ALG12: variants seen among roughly 807,000 people sequenced by gnomAD.
The protein encoded by ALG12 is ALG12 alpha-1,6-mannosyltransferase, also known as dol-P-Man:Man(7)GlcNAc(2)-PP-Dol alpha-1,6-mannosyltransferase.
In ALG12, 36 loss-of-function variants were observed where a neutral mutation model predicts 46.0. The ratio of observed to expected loss-of-function variants is 0.78; its 90% CI spans 0.60 to 1.03. ALG12 has a LOEUF of 1.03. Among genes scored for constraint, ALG12 ranks in the 50% least tolerant of loss-of-function variants. The pLI is 0.00. For synonymous variants in ALG12, 326 were observed against 291.6 expected (o/e 1.12, Z -1.20); for missense variants, 599 against 633.5 (o/e 0.95, Z 0.58).
At chr22:49,899,753 C>G (rs919305218), downstream of ALG12, among the ~76,000 whole-genome samples, 1 of 152,036 alleles carries the variant, frequency 6.6e-6, no homozygotes, top group African/African-American at 2.4e-5. Flanking sequence ...TTGGAAATAA[C>G]CTAACTGACC....
chr22:49,885,137 T>G, the ALG12 span: 1 of 1,612,536 alleles, frequency 6.2e-7, no homozygotes, highest in Non-Finnish European at 8.5e-7. Context: ...AAGGGTGATG[T>G]GGGCACCAGC....
intron 3 of ALG12, among the ~76,000 whole-genome samples, chr22:49,911,779 C>G (rs2060577968): frequency 6.6e-6 from 1 of 152,214 alleles, no homozygotes; most frequent in Non-Finnish European, 1.5e-5. Flanking sequence ...ACAAGTGGGT[C>G]TGGCTCCAGC....
At chr22:49,867,912 C>T in the ALG12 span, among the ~76,000 whole-genome samples, 2 of 152,224 alleles carry the variant, frequency 1.3e-5, no homozygotes, top group African/African-American at 4.8e-5. Context: ...GCAGAATCAC[C>T]TGACACAAAG....
intron 7 of ALG12, 68 bp from the exon 8 acceptor site, chr22:49,904,574 C>T: frequency 1.3e-6 from 2 of 1,563,400 alleles, no homozygotes; most frequent in South Asian, 2.3e-5. Context: ...ACCTACAAAA[C>T]ATACTAGGAG....
chr22:49,886,008 C>T, the ALG12 span: 19 of 691,260 alleles, frequency 2.7e-5, no homozygotes, highest in Non-Finnish European at 5.3e-6. This position sits in a 1 kb window ranked among gnomAD's most constrained non-coding sequence, Gnocchi z 7.7. Context: ...ACAGTGGCAA[C>T]AGCATTCAGA....
the ALG12 span, chr22:49,884,823 C>T: frequency 6.2e-7 from 1 of 1,610,826 alleles, no homozygotes; most frequent in South Asian, 1.1e-5. Flanking sequence ...CTTCGGCCTC[C>T]TCCTCCCCTG....
In ALG12 at chr22:49,905,503, C is replaced by T. The variant is rs568274026; in HGVS notation, c.993-997G>A. On this transcript the variant is annotated intron_variant, in intron 7 of 9. Coordinates refer to ENST00000330817, the MANE Select transcript of ALG12 (RefSeq NM_024105.4). The surrounding 1 kb of genome is among the most constrained non-coding windows in gnomAD (Gnocchi z 4.9). ...CAGGAATGGATTAGCGCCATCCCCT[C>T]CATGCTGTTCTCCTCATACCGAGTG... Among the ~76,000 whole-genome samples the T allele has an allele frequency of 6.6e-6, 1 of 152,322 alleles. No individual in the cohort carries two copies. Among genetic ancestry groups the T allele is most frequent in the African/African-American group, 2.4e-5 (1 of 41,582 alleles).
the ALG12 span, among the ~76,000 whole-genome samples, chr22:49,891,814 AT>A: frequency 6.6e-6 from 1 of 152,196 alleles, no homozygotes; most frequent in Non-Finnish European, 1.5e-5. Context: ...CATAATATGC[AT>A]TTTCCATGAA....
intron 3 of ALG12, 25 bp downstream of exon 3, chr22:49,913,360 C>T (rs765916125): frequency 3.7e-6 from 6 of 1,613,352 alleles, no homozygotes; most frequent in Non-Finnish European, 5.1e-6. Flanking sequence ...CTCACTCCCT[C>T]CTCCTTTGTT....
the ALG12 span, chr22:49,884,702 G>T: frequency 1.3e-6 from 2 of 1,597,154 alleles, no homozygotes; most frequent in South Asian, 2.3e-5. Context: ...GGGGGCACGG[G>T]CATCCCGCCA....
rs531417359 is a variant in ALG12, at chr22:49,907,186, C to T, written c.992+535G>A. ...GCCCGAGGCCCTGTCAGGATGGCCA[C>T]GAACGCCCTTCCTCTACCTGACCTG... On this transcript the variant is annotated intron_variant, in intron 7 of 9. Coordinates refer to ENST00000330817, the MANE Select transcript of ALG12 (RefSeq NM_024105.4). 1.1e-4 allele frequency among the ~76,000 whole-genome samples: 17 copies of T among 152,286 alleles called. No homozygotes were observed. In the East Asian group the frequency reaches 2.1e-3, roughly 19 times the overall value.
the ALG12 span, among the ~76,000 whole-genome samples, chr22:49,873,711 T>C: frequency 2.0e-5 from 3 of 152,006 alleles, no homozygotes; most frequent in African/African-American, 4.8e-5. Flanking sequence ...AGGTATTGGG[T>C]CTTCCCACCT....
chr22:49,871,668 C>CTGCTGACCAATCAGAGTGCAGAT, the ALG12 span, among the ~76,000 whole-genome samples: 2 of 151,954 alleles, frequency 1.3e-5, no homozygotes, highest in East Asian at 1.9e-4. Flanking sequence ...GTGTCCAGGG[C>CTGCTGACCAATCAGAGTGCAGAT]TGCTGACCAA....
chr22:49,896,651 T>C (rs1569169410), downstream of ALG12, among the ~76,000 whole-genome samples: 1 of 152,208 alleles, frequency 6.6e-6, no homozygotes, highest in Non-Finnish European at 1.5e-5. Context: ...TTTTATTTAT[T>C]TTGAGATGAA....
rs1267419053 is a variant in ALG12 at position 49,909,920 on chromosome 22, G to A, written c.638C>T (p.Ala213Val). The A allele has an allele frequency of 1.9e-6, 3 of 1,614,166 alleles. No individual in the cohort carries two copies. The highest frequency in any genetic ancestry group is 2.5e-6 in the Non-Finnish European group (3 of 1,180,032). The change falls in exon 5 of 10, where the codon GCC becomes GTC. Residue 213 changes from alanine (A) to valine (V), a missense_variant. Ala to Val is a moderately conservative substitution (Grantham distance 64, BLOSUM62 0). Coordinates refer to ENST00000330817, the MANE Select transcript of ALG12 (RefSeq NM_024105.4). ...TAAACAGAGGATCCCTGCCGGGACG[G>A]CGTGGCGAAGGGCTCTGACTACAGA... ...KVSVVRALRH[A>V]VPAGILCLGL...
At chr22:49,915,899 C>T (rs1277417990) in intron 1 of ALG12, among the ~76,000 whole-genome samples, 1 of 152,226 alleles carries the variant, frequency 6.6e-6, no homozygotes, top group Non-Finnish European at 1.5e-5. Context: ...CTCAACAAGG[C>T]TGCCGAAGAA....
intron 5 of ALG12, among the ~76,000 whole-genome samples, 155 bp from the exon 6 acceptor site, chr22:49,909,502 G>A (rs2060563148): frequency 6.6e-6 from 1 of 152,116 alleles, no homozygotes; most frequent in Non-Finnish European, 1.5e-5. Context: ...GGAGTTCAAG[G>A]TTGCAGTGGG....
At position 49,909,257 on chromosome 22, in the gene ALG12, C is replaced by CTT. The variant is rs767845937; in HGVS notation, c.753_754dup (p.Ser252LysfsTer34). On this transcript the variant is annotated frameshift_variant, in exon 6 of 10. Coordinates refer to ENST00000330817, the MANE Select transcript of ALG12 (RefSeq NM_024105.4). LOFTEE classifies it high-confidence loss of function. ...ACTGAAGGATACCCCCCAGTTGGAG[C>CTT]TTTTGTTCAGGACAGTGTTGTACCA... 3 of 1,614,248 alleles carry CTT rather than the reference C, an allele frequency of 1.9e-6. No homozygotes were observed.
Position 49,902,140 on chromosome 22 carries a change from T to G in ALG12, c.*1698A>C, listed in dbSNP as rs2060512975. 7.7e-6 allele frequency: 1 copy of G among 130,454 alleles called. No individual in the cohort carries two copies. The highest frequency in any genetic ancestry group is 3.1e-5 in the African/African-American group (1 of 32,242). 8.1% of individuals were successfully genotyped at this position (130,454 alleles called of 1,614,324 possible). Reference sequence around the variant, plus strand: ...GTAATGTGCACGTGTGCACTGTGTGTGGTGTGTATGCATGGTGTGTGCACG... The same window carrying G: ...GTAATGTGCACGTGTGCACTGTGTGGGGTGTGTATGCATGGTGTGTGCACG... On this transcript the variant is annotated 3_prime_UTR_variant, in exon 10 of 10. Coordinates refer to ENST00000330817, the MANE Select transcript of ALG12 (RefSeq NM_024105.4).
Sources: gnomAD v4.1 joint callset for allele counts (sites outside exome capture counted in the v4.1 genomes callset) on GRCh38, gnomAD v4.1.1 for gene constraint, Gnocchi (gnomAD v3.1) non-coding constraint, MANE v1.5 for transcripts, NCBI Gene and HGNC (gene_info 2026-07-23, HGNC 2026-07-21) for gene names.